SOX5: variants seen among roughly 807,000 people sequenced by gnomAD.
SOX5 encodes the protein SRY-box transcription factor 5, also known as transcription factor SOX-5.
In SOX5, 9 loss-of-function variants were observed where a neutral mutation model predicts 92.0. The observed-to-expected ratio is 0.10, with a 90% CI of 0.06 to 0.17. The LOEUF (loss-of-function observed/expected upper bound fraction) is 0.17. Ranked by LOEUF, SOX5 falls within the 10% of genes least tolerant of loss-of-function variation. SOX5 has a pLI of 1.00. For synonymous variants in SOX5, 344 were observed against 336.3 expected (o/e 1.02, Z -0.25); for missense variants, 642 against 944.5 (o/e 0.68, Z 4.20).
intron 2 of SOX5, among the ~76,000 whole-genome samples, chr12:24,358,975 G>A (rs1239433984): frequency 6.6e-6 from 1 of 152,146 alleles, no homozygotes; most frequent in East Asian, 1.9e-4. Flanking sequence ...CCACTTCTCA[G>A]ATAAAGAAAG....
rs2138424917 is a variant in SOX5, at chr12:23,631,579, C to T, written c.1017+9233G>A. ...TAGCCCAGAAACATTTTAAAGTTAC[C>T]TAAAACATGTTTTGATTAAGATAAC... On this transcript the variant is annotated intron_variant, in intron 8 of 14. Transcript: ENST00000451604. 2.0e-5 allele frequency among the ~76,000 whole-genome samples: 3 copies of T among 152,050 alleles called. No individual in the cohort carries two copies. The South Asian group carries it at 6.2e-4, about 32-fold the overall frequency.
At chr12:24,384,164 AT>A (rs1474329449) in intron 1 of SOX5, among the ~76,000 whole-genome samples, 2 of 152,176 alleles carry the variant, frequency 1.3e-5, no homozygotes, top group East Asian at 1.9e-4. Context: ...AGTCTCAGAT[AT>A]TTTTTTCATA....
intron 3 of SOX5, among the ~76,000 whole-genome samples, chr12:23,791,370 T>G (rs74350830): frequency 7.0e-4 from 107 of 152,300 alleles, no homozygotes; most frequent in Non-Finnish European, 1.3e-3. Flanking sequence ...GGTGCAATCA[T>G]AGCATACTAC....
intron 3 of SOX5, among the ~76,000 whole-genome samples, chr12:23,766,877 A>C (rs1421588114): frequency 6.6e-6 from 1 of 152,138 alleles, no homozygotes; most frequent in Non-Finnish European, 1.5e-5. Flanking sequence ...TTATTTACTG[A>C]TGTATTTTGA....
intron 1 of SOX5, among the ~76,000 whole-genome samples, chr12:24,466,050 C>A (rs1944199103): frequency 6.6e-6 from 1 of 152,020 alleles, no homozygotes; most frequent in Admixed American, 6.6e-5. Flanking sequence ...AGACTTAAAT[C>A]TTTTTCCATC....
chr12:24,242,370 A>C (rs1965699140), intron 3 of SOX5, among the ~76,000 whole-genome samples: 1 of 152,226 alleles, frequency 6.6e-6, no homozygotes, highest in African/African-American at 2.4e-5. Flanking sequence ...CATTATAAAG[A>C]AAGTTTTGCT....
rs1207125912 is a variant in SOX5 at position 23,556,709 on chromosome 12, G to A, written c.1488+6549C>T. Among the ~76,000 whole-genome samples the A allele has an allele frequency of 3.9e-5, 6 of 152,196 alleles. No homozygotes were observed. In the South Asian group the frequency reaches 8.3e-4, roughly 21 times the overall value. On this transcript the variant is annotated intron_variant, in intron 11 of 14. Coordinates refer to ENST00000451604, the MANE Select transcript of SOX5 (RefSeq NM_006940.6). Reference sequence around the variant, plus strand: ...AAGGCAACATTTATAAAACCCATCCGTAAATCATTAATGGAAGCAACTTCC... The same window carrying A: ...AAGGCAACATTTATAAAACCCATCCATAAATCATTAATGGAAGCAACTTCC...
At chr12:23,707,856 C>T (rs1256707339) in intron 6 of SOX5, among the ~76,000 whole-genome samples, 1 of 151,966 alleles carries the variant, frequency 6.6e-6, no homozygotes, top group Non-Finnish European at 1.5e-5. Context: ...GTAAAGACTC[C>T]TGATTTGATT....
At chr12:23,668,192 A>C (rs2084155854) in intron 6 of SOX5, among the ~76,000 whole-genome samples, 1 of 152,210 alleles carries the variant, frequency 6.6e-6, no homozygotes, top group Non-Finnish European at 1.5e-5. Flanking sequence ...CTGCGAATTC[A>C]ATGTTAATGA....
intron 3 of SOX5, among the ~76,000 whole-genome samples, chr12:24,272,010 A>T (rs1190475993): frequency 6.6e-6 from 1 of 152,084 alleles, no homozygotes; most frequent in Non-Finnish European, 1.5e-5. Context: ...ATGTACAGAT[A>T]ACAAGAAACA....
At position 24,540,577 on chromosome 12, in the gene SOX5, C is replaced by T. The variant is rs367858006; in HGVS notation, c.-251+21752G>A. 3.9e-5 allele frequency among the ~76,000 whole-genome samples: 6 copies of T among 152,170 alleles called. No individual in the cohort carries two copies. In the South Asian group the frequency reaches 1.2e-3, roughly 32 times the overall value. On this transcript the variant is annotated intron_variant, in intron 1 of 4. Transcript: ENST00000446891. ...TTCAGAGAGACATTTATAGCCAATT[C>T]TGGTGAATTAAAAAAGGATGATGAA...
At chr12:24,267,095 T>C (rs1943117388) in intron 3 of SOX5, among the ~76,000 whole-genome samples, 1 of 152,120 alleles carries the variant, frequency 6.6e-6, no homozygotes, top group South Asian at 2.1e-4. Flanking sequence ...ATTTGACATG[T>C]CTAGGATAAC....
chr12:23,581,583 C>T (rs1053786616), intron 9 of SOX5, among the ~76,000 whole-genome samples: 1 of 152,010 alleles, frequency 6.6e-6, no homozygotes, highest in Non-Finnish European at 1.5e-5. Context: ...ATCCAATCAT[C>T]CATACATTCA....
chr12:23,719,439 T>C (rs2092686048), intron 6 of SOX5, among the ~76,000 whole-genome samples: 1 of 152,106 alleles, frequency 6.6e-6, no homozygotes. Flanking sequence ...AGGGTACTAA[T>C]GTTTCTTTAT....
chr12:24,412,808 G>A (rs1964352489), intron 1 of SOX5, among the ~76,000 whole-genome samples: 1 of 137,130 alleles, frequency 7.3e-6, no homozygotes, highest in Non-Finnish European at 1.5e-5. Flanking sequence ...GAGAGGGAGT[G>A]CAGTGGCGCA....
At chr12:23,784,810 C>T (rs2095349909) in intron 3 of SOX5, among the ~76,000 whole-genome samples, 1 of 152,176 alleles carries the variant, frequency 6.6e-6, no homozygotes, top group African/African-American at 2.4e-5. Flanking sequence ...CACGCAGTGG[C>T]TCACACCTGT....
At chr12:24,169,197 C>A (rs1254947456) in intron 4 of SOX5, among the ~76,000 whole-genome samples, 1 of 151,914 alleles carries the variant, frequency 6.6e-6, no homozygotes, top group Non-Finnish European at 1.5e-5. Context: ...ATAAAGGTCA[C>A]CAACTTTTGC....
intron 1 of SOX5, among the ~76,000 whole-genome samples, chr12:24,507,285 T>C (rs4963572): frequency 0.31 from 46,219 of 151,474 alleles, 8,405 homozygotes; most frequent in East Asian, 0.75. Flanking sequence ...AAAAATTAGG[T>C]ATATAAGTAG....
intron 3 of SOX5, among the ~76,000 whole-genome samples, chr12:23,756,313 C>G (rs951959939): frequency 6.6e-6 from 1 of 151,742 alleles, no homozygotes; most frequent in Non-Finnish European, 1.5e-5. Context: ...GGAATGCTGC[C>G]TATAATGGAA....
Sources: gnomAD v4.1 joint callset for allele counts (sites outside exome capture counted in the v4.1 genomes callset) on GRCh38, gnomAD v4.1.1 for gene constraint, MANE v1.5 for transcripts, NCBI Gene and HGNC (gene_info 2026-07-23, HGNC 2026-07-21) for gene names.